Variants in TUT4 observed in about 807,000 individuals in gnomAD.
The protein encoded by TUT4 is terminal uridylyl transferase 4, also known as terminal uridylyltransferase 4.
Under a neutral mutation model 192.2 loss-of-function variants are expected in TUT4, and 36 were observed. The ratio of observed to expected loss-of-function variants is 0.19; its 90% CI spans 0.14 to 0.25. The LOEUF (loss-of-function observed/expected upper bound fraction) is 0.25, where lower values mean the gene tolerates loss of function less well. TUT4 is among the 10% of genes least tolerant of loss of function. The probability of loss-of-function intolerance (pLI) is 1.00; values close to 1 mark genes in which losing one functional copy is unlikely to be tolerated. For synonymous variants in TUT4, 618 were observed against 666.0 expected, an observed-to-expected ratio of 0.93 and a Z score of 1.11; for missense variants, 1,493 against 1,957.2, an observed-to-expected ratio of 0.76 and a Z score of 4.47.
chr1:52,446,185 C>T (rs1276317900), intron 22 of TUT4, 80 bp downstream of exon 22: 1 of 1,428,750 alleles, frequency 7.0e-7, no homozygotes, highest in Non-Finnish European at 9.5e-7. Flanking sequence ...TCTTCCAAAT[C>T]CTAATGTATT....
chr1:52,475,046 A>G lies in TUT4; in HGVS notation c.2513T>C (p.Leu838Ser). The G allele has an allele frequency of 6.2e-7, 1 of 1,614,188 alleles. No individual in the cohort carries two copies. Among genetic ancestry groups the G allele is most frequent in the Non-Finnish European group, 8.5e-7 (1 of 1,180,018 alleles). The change falls in exon 13 of 30, where the codon TTG (leucine) becomes TCG (serine). Residue 838 changes from leucine (L) to serine (S), a missense_variant. Transcript: ENST00000257177. ...KELSQCNCIDLSKSPDPDKST... is the reference protein window; with the variant it reads ...KELSQCNCIDSSKSPDPDKST... ...TTTATCTGGGTCAGGCGACTTAGAC[A>G]AATCAATGCAATTACATTGGCTGAG...
intron 2 of TUT4, among the ~76,000 whole-genome samples, chr1:52,521,694 A>C (rs1680322690): frequency 6.8e-6 from 1 of 147,864 alleles, no homozygotes; most frequent in South Asian, 2.2e-4. Context: ...AGCTGGACAC[A>C]GTGGCTCACG....
rs758769401 is a variant in TUT4 at position 52,477,808 on chromosome 1, T to C, written c.1923A>G (p.Thr641=). The change falls in exon 12 of 30, where the codon ACA becomes ACG. Residue 641 remains threonine (T), a synonymous_variant. Transcript: ENST00000257177. ...QLWLELLKFY[T]LDFALEEYVI... is the part of the protein sequence containing the mutation. ...CATATTCCTCCAAAGCAAAATCCAG[T>C]GTGTAGAATTTAAGCAGCTCTAACC... 21 of 1,614,048 alleles carry C rather than the reference T, an allele frequency of 1.3e-5. No homozygotes were observed. In the South Asian group the frequency reaches 2.2e-4, roughly 17 times the overall value.
At chr1:52,467,973 T>A (rs1465730872) in intron 15 of TUT4, among the ~76,000 whole-genome samples, 1 of 152,224 alleles carries the variant, frequency 6.6e-6, no homozygotes, top group East Asian at 1.9e-4. Flanking sequence ...TATTTGCTGA[T>A]ATAATATTAT....
chr1:52,469,131 T>C (rs1393238778), intron 14 of TUT4, among the ~76,000 whole-genome samples: 1 of 152,174 alleles, frequency 6.6e-6, no homozygotes, highest in Non-Finnish European at 1.5e-5. Flanking sequence ...CACAATGCAC[T>C]TGTCAAAACC....
intron 7 of TUT4, among the ~76,000 whole-genome samples, chr1:52,491,671 C>T (rs564290895): frequency 2.6e-5 from 4 of 152,042 alleles, no homozygotes; most frequent in East Asian, 3.9e-4. Flanking sequence ...TCAGCCTGAG[C>T]GAGACTCCAT....
intron 9 of TUT4, among the ~76,000 whole-genome samples, chr1:52,484,117 G>A (rs1425099884): frequency 6.6e-6 from 1 of 152,158 alleles, no homozygotes; most frequent in Non-Finnish European, 1.5e-5. Flanking sequence ...AGGAAGCTGA[G>A]GTGGGAGGAT....
intron 4 of TUT4, among the ~76,000 whole-genome samples, chr1:52,509,395 A>G (rs1034982186): frequency 8.5e-5 from 13 of 152,180 alleles, no homozygotes; most frequent in African/African-American, 3.1e-4. Context: ...CAACATTCTA[A>G]AGGATGAGCA....
chr1:52,446,832 A>G (rs1272730619), intron 20 of TUT4, among the ~76,000 whole-genome samples, 165 bp from the exon 21 acceptor site: 1 of 152,250 alleles, frequency 6.6e-6, no homozygotes, highest in African/African-American at 2.4e-5. Flanking sequence ...AAGTTAATGA[A>G]TAAAACGTAT....
chr1:52,552,101 T>A (rs753714909), intron 1 of TUT4, among the ~76,000 whole-genome samples: 1 of 152,360 alleles, frequency 6.6e-6, no homozygotes. Context: ...AAAATTCATC[T>A]AAGACTTCGA....
At position 52,497,135 on chromosome 1, in the gene TUT4, C is replaced by G. The variant is rs1424030507; in HGVS notation, c.1048G>C (p.Ala350Pro). ...GCAACACTTAAAGCAGCCAAGTGGG[C>G]AGGGGAAGGAGGTGGCAGAGAACGA... ...ELRSLPPPSP[A>P]HLAALSVAVI... is the part of the protein sequence containing the mutation. Residue 350 changes from alanine (A) to proline (P), a missense_variant, in exon 5 of 30, where the codon GCC becomes CCC. Physicochemically the swap from Ala to Pro is conservative, Grantham distance 27. Transcript: ENST00000257177. 3.1e-6 allele frequency: 5 copies of G among 1,613,058 alleles called. No individual in the cohort carries two copies. Among genetic ancestry groups the G allele is most frequent in the Non-Finnish European group, 4.2e-6 (5 of 1,179,678 alleles).
At chr1:52,515,597 G>A (rs999320278) in intron 3 of TUT4, 12 of 488,796 alleles carry the variant, frequency 2.5e-5, no homozygotes, top group Middle Eastern at 1.1e-3. Context: ...TACCAAAAAC[G>A]GTGGGGAGAC....
chr1:52,430,536 G>A (rs554418536), intron 28 of TUT4, among the ~76,000 whole-genome samples: 12 of 152,250 alleles, frequency 7.9e-5, no homozygotes, highest in African/African-American at 1.4e-4. Flanking sequence ...ACCTGCCTCC[G>A]CCTCCCAAAG....
rs1208191786 is a variant in TUT4, at chr1:52,474,949, A to C, written c.2610T>G (p.Ser870=). ...TAGCTTTGCAGTTGCAAGAGGTAGC[A>C]GATGTGTCGGTGCACACACTCTGAT... ...SSHQSVCTDT[S]ATSCNCKATE... The change falls in exon 13 of 30, where the codon TCT becomes TCG. Residue 870 remains serine (S), a synonymous_variant. Coordinates refer to ENST00000257177, the MANE Select transcript of TUT4 (RefSeq NM_001009881.3). The C allele has an allele frequency of 6.2e-7, 1 of 1,614,200 alleles. No homozygotes were observed. Among genetic ancestry groups the C allele is most frequent in the African/African-American group, 1.3e-5 (1 of 75,058 alleles).
chr1:52,475,221 T>G lies in TUT4; in HGVS notation c.2338A>C (p.Asn780His). 2 of 1,614,164 alleles carry G rather than the reference T, an allele frequency of 1.2e-6. No homozygotes were observed. The highest frequency in any genetic ancestry group is 1.7e-6 in the Non-Finnish European group (2 of 1,180,020). ...DCTSQRCIID[N>H]NNLLVNELDF... Reference sequence around the variant, plus strand: ...AGTTCATTTACCAACAAATTGTTGTTGTCAATAATACATCTCTGTGATGTA... The same window carrying G: ...AGTTCATTTACCAACAAATTGTTGTGGTCAATAATACATCTCTGTGATGTA... Residue 780 changes from asparagine to histidine, a missense_variant, in exon 13 of 30, where the codon AAC (asparagine) becomes CAC (histidine). Physicochemically the swap from Asn to His is moderately conservative, Grantham distance 68. Around this residue, in one of 7 missense-constraint regions of TUT4, gnomAD observed 245 missense variants for 218.4 expected, o/e 1.12. Transcript: ENST00000257177.
intron 28 of TUT4, among the ~76,000 whole-genome samples, chr1:52,430,081 C>G (rs1651559797): frequency 1.3e-5 from 2 of 150,186 alleles, no homozygotes; most frequent in Non-Finnish European, 3.0e-5. Context: ...GTATTTATGT[C>G]TAGGAATTGA....
chr1:52,528,922 A>G (rs1050511883), intron 1 of TUT4, among the ~76,000 whole-genome samples: 2 of 152,026 alleles, frequency 1.3e-5, no homozygotes, highest in Non-Finnish European at 2.9e-5. Flanking sequence ...TATGTTGCTC[A>G]GGCTTGTCTC....
rs1014857903 is a variant in TUT4 at position 52,535,705 on chromosome 1, C to T, written c.-93-9332G>A. Among the ~76,000 whole-genome samples, 20 of 152,256 alleles carry T rather than the reference C, an allele frequency of 1.3e-4. No homozygotes were observed. The East Asian group carries it at 2.9e-3, about 22-fold the overall frequency. The stretch of plus-strand genomic sequence containing the variant: ...ACAAAGCTCAATAAACTTTAAGCAG[C>T]GTAAACTCAAAGAAATCCACACTGA... On this transcript the variant is annotated intron_variant, in intron 1 of 29. Coordinates refer to ENST00000257177, the MANE Select transcript of TUT4 (RefSeq NM_001009881.3).
At chr1:52,455,249 A>G (rs1482957589) in intron 20 of TUT4, among the ~76,000 whole-genome samples, 2 of 152,204 alleles carry the variant, frequency 1.3e-5, no homozygotes, top group African/African-American at 4.8e-5. Context: ...GTGCCACTGT[A>G]ATCTAGCGTG....
Sources: gnomAD v4.1 joint callset for allele counts (sites outside exome capture counted in the v4.1 genomes callset) on GRCh38, gnomAD v4.1.1 for gene constraint, gnomAD v4.1.1 regional missense constraint, MANE v1.5 for transcripts, NCBI Gene and HGNC (gene_info 2026-07-23, HGNC 2026-07-21) for gene names.